The following CASK variants were observed in gnomAD, a reference collection of about 807,000 sequenced individuals.
The protein encoded by CASK is calcium/calmodulin dependent serine protein kinase.
Under a neutral mutation model 82.9 loss-of-function variants are expected in CASK, and 4 were observed. The ratio of observed to expected loss-of-function variants is 0.05; its 90% CI spans 0.02 to 0.11. The LOEUF (loss-of-function observed/expected upper bound fraction) is 0.11. CASK is among the 10% of genes least tolerant of loss of function. CASK has a pLI of 1.00. For missense variants in CASK, 358 were observed against 720.9 expected, an observed-to-expected ratio of 0.50 and a Z score of 5.76; for synonymous variants, 259 against 253.5, an observed-to-expected ratio of 1.02 and a Z score of -0.20.
intron 9 of CASK, among the ~76,000 whole-genome samples, chrX:41,628,638 T>A (rs2066418276): frequency 8.9e-6 from 1 of 111,818 alleles, no homozygotes; most frequent in African/African-American, 3.3e-5. Context: ...TCCACAAAGT[T>A]TACTTACTGT....
chrX:41,631,074 A>T (rs1028947508), intron 9 of CASK, among the ~76,000 whole-genome samples: 1 of 111,647 alleles, frequency 9.0e-6, no homozygotes, highest in African/African-American at 3.3e-5. Context: ...CATAATTTTC[A>T]GTCAGGATAT....
At chrX:41,766,994 A>T (rs1373678729) in intron 3 of CASK, among the ~76,000 whole-genome samples, 1 of 112,481 alleles carries the variant, frequency 8.9e-6, no homozygotes, top group Non-Finnish European at 1.9e-5. Flanking sequence ...ACTTATAATA[A>T]TTCCTTATAA....
chrX:41,908,261 G>T (rs1156975159), intron 1 of CASK, among the ~76,000 whole-genome samples: 1 of 112,164 alleles, frequency 8.9e-6, no homozygotes, highest in Non-Finnish European at 1.9e-5. Flanking sequence ...TGTAATCCCA[G>T]CTACTCAGGA....
chrX:41,762,528 C>T (rs754826017), intron 3 of CASK, among the ~76,000 whole-genome samples: 10 of 111,827 alleles, frequency 8.9e-5, no homozygotes, highest in Non-Finnish European at 1.5e-4. Context: ...TTCTCCAAAC[C>T]TTACATCTAT....
intron 1 of CASK, among the ~76,000 whole-genome samples, chrX:41,921,166 G>A (rs190190025): frequency 1.8e-5 from 2 of 111,696 alleles, no homozygotes; most frequent in African/African-American, 6.5e-5. Flanking sequence ...TACTTGATTC[G>A]GTTATTGGAA....
intron 2 of CASK, among the ~76,000 whole-genome samples, chrX:41,806,554 T>C (rs1444784290): frequency 8.9e-6 from 1 of 112,359 alleles, no homozygotes; most frequent in African/African-American, 3.2e-5. Flanking sequence ...TACAATGCTA[T>C]GCACTACCCG....
rs1208900256 is a variant in CASK at position 41,853,005 on chromosome X, C to T, written c.172+110G>A. ...AACTGTCTCCACCCACTTCCCTCTA[C>T]ATCATACCCTCTGCTTCCCCACCCC... is the stretch of plus-strand genomic sequence containing the variant. On this transcript the variant is annotated intron_variant, in intron 2 of 26. Coordinates refer to ENST00000378163, the MANE Select transcript of CASK (RefSeq NM_001367721.1). 5.8e-5 allele frequency: 31 copies of T among 535,841 alleles called. No individual in the cohort carries two copies. The East Asian group carries it at 1.0e-3, about 18-fold the overall frequency. 44.2% of individuals were successfully genotyped at this position (535,841 alleles called of 1,213,427 possible).
In CASK at chrX:41,712,662, G is replaced by A. The variant is rs181327651; in HGVS notation, c.429+26722C>T. 1.6e-3 allele frequency among the ~76,000 whole-genome samples: 181 copies of A among 112,621 alleles called. 1 individual carries two copies. Among genetic ancestry groups the A allele is most frequent in the African/African-American group, 5.6e-3 (173 of 31,026 alleles). Reference sequence around the variant, plus strand: ...AAAAGCTAAACTGTTCTTGTAAAACGAATGAAAGGCCACCAGCCACCAAGT... The same window carrying A: ...AAAAGCTAAACTGTTCTTGTAAAACAAATGAAAGGCCACCAGCCACCAAGT... On this transcript the variant is annotated intron_variant, in intron 5 of 26. Transcript: ENST00000378163.
chrX:41,580,615 T>A (rs2065560271), intron 14 of CASK, among the ~76,000 whole-genome samples: 1 of 112,141 alleles, frequency 8.9e-6, no homozygotes, highest in Non-Finnish European at 1.9e-5. Flanking sequence ...ATACTCGATA[T>A]TAACCACAAT....
chrX:41,612,530 G>A (rs1215651429), intron 11 of CASK, among the ~76,000 whole-genome samples: 1 of 108,403 alleles, frequency 9.2e-6, no homozygotes, highest in Non-Finnish European at 1.9e-5. Context: ...GAAGGAGGTG[G>A]GGGTCAGCCC....
chrX:41,813,317 C>T (rs1397887995), intron 2 of CASK, among the ~76,000 whole-genome samples: 1 of 111,248 alleles, frequency 9.0e-6, no homozygotes, highest in East Asian at 2.8e-4. Flanking sequence ...AAGCTGGAGG[C>T]ATCACACTAC....
At chrX:41,561,372 T>C (rs1057414200) in intron 17 of CASK, among the ~76,000 whole-genome samples, 187 bp downstream of exon 17, 5 of 111,712 alleles carry the variant, frequency 4.5e-5, no homozygotes, top group African/African-American at 1.6e-4. Context: ...AAAATGTTTG[T>C]AAACTCTATT....
chrX:41,534,020 C>A (rs945398593), intron 24 of CASK, among the ~76,000 whole-genome samples: 10 of 111,856 alleles, frequency 8.9e-5, no homozygotes, highest in African/African-American at 3.2e-4. Flanking sequence ...ATAGCTTCTA[C>A]TTATCCACCA....
At chrX:41,820,661 T>A (rs1355279427) in intron 2 of CASK, among the ~76,000 whole-genome samples, 1 of 111,003 alleles carries the variant, frequency 9.0e-6, no homozygotes, top group East Asian at 2.8e-4. Context: ...TACTCTAAAT[T>A]GTTTATGAAA....
At chrX:41,555,143 T>C (rs2065144831) in intron 20 of CASK, among the ~76,000 whole-genome samples, 1 of 112,641 alleles carries the variant, frequency 8.9e-6, no homozygotes, top group Non-Finnish European at 1.9e-5. Flanking sequence ...TTATATTCTT[T>C]TCTTATTTTT....
At chrX:41,781,867 T>C (rs1382085652) in intron 3 of CASK, among the ~76,000 whole-genome samples, 2 of 112,124 alleles carry the variant, frequency 1.8e-5, no homozygotes, top group African/African-American at 3.2e-5. Context: ...AGAACAATTT[T>C]CTATTTCTAG....
chrX:41,687,426 G>C (rs1293516167), intron 5 of CASK, among the ~76,000 whole-genome samples: 2 of 112,039 alleles, frequency 1.8e-5, no homozygotes, highest in African/African-American at 6.5e-5. Flanking sequence ...TCGAGGATAT[G>C]ACACCAAGTG....
chrX:41,873,417 C>A (rs1363597956), intron 1 of CASK, among the ~76,000 whole-genome samples: 1 of 110,251 alleles, frequency 9.1e-6, no homozygotes, highest in Non-Finnish European at 1.9e-5. Context: ...GTGAAAAATG[C>A]ATGCAAGAAT....
intron 12 of CASK, among the ~76,000 whole-genome samples, chrX:41,598,069 G>A (rs1476030094): frequency 9.1e-6 from 1 of 109,366 alleles, no homozygotes; most frequent in African/African-American, 3.4e-5. Context: ...AGCCTGGAAG[G>A]TCGAAGTTGC....
Sources: gnomAD v4.1 joint callset for allele counts (sites outside exome capture counted in the v4.1 genomes callset) on GRCh38, gnomAD v4.1.1 for gene constraint, MANE v1.5 for transcripts, NCBI Gene and HGNC (gene_info 2026-07-23, HGNC 2026-07-21) for gene names.